CC2D2A: variants seen among roughly 807,000 people sequenced by gnomAD.
CC2D2A encodes the protein coiled-coil and C2 domain-containing protein 2A.
CC2D2A carries 155 observed loss-of-function variants against 212.9 expected under a neutral mutation model. That is an observed-to-expected ratio of 0.73 (90% CI 0.64 to 0.83). The LOEUF is 0.83. Among genes scored for constraint, CC2D2A ranks in the 40% least tolerant of loss-of-function variants. CC2D2A has a pLI of 0.00. For missense variants in CC2D2A, 1,856 were observed against 1,956.2 expected (o/e 0.95, Z 0.97); for synonymous variants, 667 against 686.5 (o/e 0.97, Z 0.44).
At chr4:15,565,471 T>G (rs1719840981) in intron 24 of CC2D2A, among the ~76,000 whole-genome samples, 1 of 151,460 alleles carries the variant, frequency 6.6e-6, no homozygotes, top group Non-Finnish European at 1.5e-5. Flanking sequence ...AATACCTATC[T>G]CACTTTATTG....
chr4:15,497,477 C>T (rs113759224), intron 4 of CC2D2A, among the ~76,000 whole-genome samples: 1 of 152,110 alleles, frequency 6.6e-6, no homozygotes, highest in Non-Finnish European at 1.5e-5. Flanking sequence ...GTCCACCTCC[C>T]CTGCAATAAT....
At chr4:15,483,172 G>A (rs969082932) in intron 4 of CC2D2A, among the ~76,000 whole-genome samples, 5 of 152,236 alleles carry the variant, frequency 3.3e-5, no homozygotes, top group African/African-American at 1.2e-4. Flanking sequence ...AGCAGAGGAA[G>A]TATTATTATA....
At chr4:15,481,386 C>G (rs1004766046) in intron 4 of CC2D2A, 2 of 350,284 alleles carry the variant, frequency 5.7e-6, no homozygotes, top group African/African-American at 2.2e-5. Flanking sequence ...TGGCGCATGC[C>G]TGTAATCCCA....
intron 3 of CC2D2A, among the ~76,000 whole-genome samples, chr4:15,479,921 T>C (rs1422784139): frequency 6.6e-6 from 1 of 152,218 alleles, no homozygotes; most frequent in Non-Finnish European, 1.5e-5. Flanking sequence ...TCTCAAATGC[T>C]GAGCAATTTA....
At chr4:15,565,218 G>T (rs1719826549) in intron 24 of CC2D2A, among the ~76,000 whole-genome samples, 1 of 152,146 alleles carries the variant, frequency 6.6e-6, no homozygotes, top group South Asian at 2.1e-4. Flanking sequence ...GCTTCTTGTA[G>T]TTTTCACCTC....
In CC2D2A at chr4:15,516,750, T is replaced by A; in HGVS notation, c.1143T>A (p.Tyr381Ter). The change falls in exon 11 of 37, where the codon TAT becomes TAA. Residue 381 changes from tyrosine (Y) to a stop codon, truncating the protein, a stop_gained. Transcript: ENST00000424120. LOFTEE classifies it high-confidence loss of function. ...QSIKAELETL[Y>*]KKAVKYVHSS... The stretch of plus-strand genomic sequence containing the variant: ...TTAAGGCAGAGCTTGAAACACTGTA[T>A]AAAAAGGTAGACACTCCCCTCTCTC... The A allele has an allele frequency of 6.2e-7, 1 of 1,611,306 alleles. No homozygotes were observed. The highest frequency in any genetic ancestry group is 8.5e-7 in the Non-Finnish European group (1 of 1,178,586).
chr4:15,478,821 G>C lies in CC2D2A; in HGVS notation c.123+15G>C, dbSNP rs1172027242. On this transcript the variant is annotated intron_variant, in intron 3 of 36. Transcript: ENST00000424120. ...GAAAGAAACAGGTAAGAAGTGACAA[G>C]AAACTGTGTCTGCGTATTGTCATTG... 1.2e-5 allele frequency: 19 copies of C among 1,541,352 alleles called. No individual in the cohort carries two copies. The highest frequency in any genetic ancestry group is 1.7e-5 in the Non-Finnish European group (19 of 1,137,526).
chr4:15,531,668 A>G (rs2109028258), intron 13 of CC2D2A, among the ~76,000 whole-genome samples: 1 of 152,254 alleles, frequency 6.6e-6, no homozygotes, highest in African/African-American at 2.4e-5. Flanking sequence ...CTCTGGTCAC[A>G]AATTTTAATT....
At chr4:15,551,528 C>A (rs1027458087) in intron 18 of CC2D2A, among the ~76,000 whole-genome samples, 2 of 152,134 alleles carry the variant, frequency 1.3e-5, no homozygotes, top group African/African-American at 4.8e-5. Context: ...GTCCTCCAAG[C>A]CATGAATTCA....
chr4:15,586,280 G>C (rs1720852679), intron 31 of CC2D2A, 34 bp downstream of exon 31: 1 of 1,311,976 alleles, frequency 7.6e-7, no homozygotes, highest in East Asian at 2.5e-5. Flanking sequence ...TTAGAAACTT[G>C]AGCTGACTTA....
At chr4:15,563,240 C>A in intron 23 of CC2D2A, 115 bp from the exon 24 acceptor site, 2 of 970,822 alleles carry the variant, frequency 2.1e-6, no homozygotes, top group Non-Finnish European at 3.0e-6. Flanking sequence ...CTTCAAAGGA[C>A]AAGGAGTTTT....
At chr4:15,594,090 C>T (rs1229168840) in intron 33 of CC2D2A, among the ~76,000 whole-genome samples, 2 of 152,122 alleles carry the variant, frequency 1.3e-5, no homozygotes, top group Admixed American at 1.3e-4. Flanking sequence ...AGCTTGCTCA[C>T]TCTTTAAAAC....
chr4:15,511,270 A>G lies in CC2D2A; in HGVS notation c.564A>G (p.Ala188=). ...KPQVPPGFPS[A]EEAYNFFTFN... is the part of the protein sequence containing the mutation. ...AGGTTCCACCTGGCTTCCCTTCTGC[A>G]GAAGAGGCCTATAACTTCTTTACTT... Residue 188 remains alanine (A), a synonymous_variant, in exon 8 of 37, where the codon GCA becomes GCG. Coordinates refer to ENST00000424120, the MANE Select transcript of CC2D2A (RefSeq NM_001378615.1). The G allele has an allele frequency of 6.3e-7, 1 of 1,598,716 alleles. No homozygotes were observed. Among genetic ancestry groups the G allele is most frequent in the South Asian group, 1.1e-5 (1 of 87,286 alleles).
At chr4:15,502,981 C>T (rs1231562384) in intron 6 of CC2D2A, 58 bp downstream of exon 6, 3 of 1,371,760 alleles carry the variant, frequency 2.2e-6, no homozygotes, top group Admixed American at 5.0e-5. Flanking sequence ...TATAAAGTTT[C>T]CAGCAAAAGT....
At chr4:15,531,992 A>G (rs908069241) in intron 13 of CC2D2A, among the ~76,000 whole-genome samples, 2 of 152,120 alleles carry the variant, frequency 1.3e-5, no homozygotes, top group African/African-American at 4.8e-5. Flanking sequence ...GGATTAGCTC[A>G]TTAACTCCTC....
intron 16 of CC2D2A, 89 bp downstream of exon 16, chr4:15,538,226 A>C (rs768790087): frequency 1.1e-4 from 147 of 1,341,404 alleles, no homozygotes; most frequent in Non-Finnish European, 1.3e-4. Flanking sequence ...CGACATGGGG[A>C]GTGTACACTT....
intron 4 of CC2D2A, among the ~76,000 whole-genome samples, chr4:15,494,787 G>A (rs561931105): frequency 6.6e-6 from 1 of 152,166 alleles, no homozygotes; most frequent in South Asian, 2.1e-4. Context: ...CTCAAAATTT[G>A]AAAGTTTTTA....
intron 36 of CC2D2A, among the ~76,000 whole-genome samples, chr4:15,600,241 C>A (rs955049816): frequency 4.6e-5 from 7 of 152,100 alleles, no homozygotes; most frequent in Non-Finnish European, 1.5e-5. Context: ...TAAAATTTAT[C>A]CTTTAACTTA....
intron 17 of CC2D2A, 163 bp from the exon 18 acceptor site, chr4:15,550,661 C>A: frequency 2.2e-6 from 1 of 444,980 alleles, no homozygotes; most frequent in Non-Finnish European, 3.9e-6. Flanking sequence ...AAGCTCATCT[C>A]CATGGAAACC....
Sources: gnomAD v4.1 joint callset for allele counts (sites outside exome capture counted in the v4.1 genomes callset) on GRCh38, gnomAD v4.1.1 for gene constraint, MANE v1.5 for transcripts, NCBI Gene and HGNC (gene_info 2026-07-23, HGNC 2026-07-21) for gene names.